Variants in PFN2 observed in about 807,000 individuals in gnomAD.
The protein encoded by PFN2 is profilin-2.
A neutral mutation model predicts 15.3 loss-of-function variants in PFN2; 8 were observed. The ratio of observed to expected loss-of-function variants is 0.52; its 90% CI spans 0.31 to 0.95. PFN2 has a LOEUF of 0.95. PFN2 is among the 40% of genes least tolerant of loss of function. PFN2 has a pLI of 0.05. For synonymous variants in PFN2, 79 were observed against 67.9 expected (o/e 1.16, Z -0.81); for missense variants, 111 against 182.3 (o/e 0.61, Z 2.25).
At chr3:149,968,284 C>A in intron 2 of PFN2, 74 bp downstream of exon 2, 3 of 1,387,544 alleles carry the variant, frequency 2.2e-6, no homozygotes, top group Admixed American at 1.8e-5. Flanking sequence ...AACTTTTATT[C>A]AAAATGTTAA....
rs1722692355 is a variant in PFN2 at position 149,966,350 on chromosome 3, C to T, written c.*139G>A. The T allele has an allele frequency of 1.9e-6, 3 of 1,592,542 alleles. No homozygotes were observed. Among genetic ancestry groups the T allele is most frequent in the South Asian group, 1.2e-5 (1 of 86,608 alleles). On this transcript the variant is annotated 3_prime_UTR_variant, in exon 3 of 3. Coordinates refer to ENST00000239940, the MANE Select transcript of PFN2 (RefSeq NM_053024.4). ...AAAGAAAGACACCTTTCCCCACCAA[C>T]AGAGGGATACAAAGGAGACACAGGT... is the stretch of plus-strand genomic sequence containing the variant.
chr3:149,970,565 C>T (rs1184006243), intron 1 of PFN2, 160 bp downstream of exon 1: 7 of 638,060 alleles, frequency 1.1e-5, no homozygotes, highest in Non-Finnish European at 1.5e-5. Flanking sequence ...CCCCGGGCCT[C>T]GGCCTCCCCG....
Position 149,968,440 on chromosome 3 carries a change from A to G in PFN2, c.243T>C (p.Asp81=). 1 of 1,614,116 alleles carries G rather than the reference A, an allele frequency of 6.2e-7. No homozygotes were observed. The highest frequency in any genetic ancestry group is 1.1e-5 in the South Asian group (1 of 91,072). ...CSVIRDSLYV[D]GDCTMDIRTK... is the part of the protein sequence containing the mutation. ...TCCGGATGTCCATTGTGCAGTCACCATCGACGTATAGACTATCTCTGATCA... is the reference window on the plus strand; with the variant it reads ...TCCGGATGTCCATTGTGCAGTCACCGTCGACGTATAGACTATCTCTGATCA... The change falls in exon 2 of 3, where the codon GAT becomes GAC. Residue 81 remains aspartate (D), a synonymous_variant. Transcript: ENST00000239940.
At position 149,965,480 on chromosome 3, in the gene PFN2, A is replaced by C; in HGVS notation, c.*1009T>G. ...GGATTCAATCAGTATGGTTACTGTAAGGTCATGGGAGGAAGTGCTTTTTGC... is the reference window on the plus strand; with the variant it reads ...GGATTCAATCAGTATGGTTACTGTACGGTCATGGGAGGAAGTGCTTTTTGC... On this transcript the variant is annotated 3_prime_UTR_variant, in exon 3 of 3. Coordinates refer to ENST00000239940, the MANE Select transcript of PFN2 (RefSeq NM_053024.4). The C allele has an allele frequency of 4.2e-6, 6 of 1,418,128 alleles. No homozygotes were observed. The highest frequency in any genetic ancestry group is 5.5e-6 in the Non-Finnish European group (6 of 1,093,304). 87.8% of individuals were successfully genotyped at this position (1,418,128 alleles called of 1,614,324 possible). A position where few individuals can be genotyped will look rare whatever the true frequency, so the allele number is the denominator to read the frequency against.
Position 149,968,696 on chromosome 3 carries a change from G to T in PFN2, c.133-146C>A, listed in dbSNP as rs562271204. ...CCACATTTCACTAATGTAAAACCAA[G>T]ATTCAGTCTTTTCTAAATAATTATT... On this transcript the variant is annotated intron_variant, in intron 1 of 2. Coordinates refer to ENST00000239940, the MANE Select transcript of PFN2 (RefSeq NM_053024.4). 5.3e-5 allele frequency: 33 copies of T among 626,832 alleles called. No individual in the cohort carries two copies. In the African/African-American group the frequency reaches 5.5e-4, roughly 10 times the overall value. 38.8% of individuals were successfully genotyped at this position (626,832 alleles called of 1,614,324 possible).
rs1722641623 is a variant in PFN2, at chr3:149,964,904, T to C, written c.*1585A>G. 1.1e-5 allele frequency: 3 copies of C among 267,310 alleles called. No homozygotes were observed. The highest frequency in any genetic ancestry group is 6.6e-5 in the African/African-American group (3 of 45,508). 16.6% of individuals were successfully genotyped at this position (267,310 alleles called of 1,614,324 possible). ...ATATAAACAACAGGAGCCTAGAGTA[T>C]TTGGTTGGAATAAATTTATTTCATC... On this transcript the variant is annotated 3_prime_UTR_variant, in exon 3 of 3. Transcript: ENST00000239940.
intron 2 of PFN2, 47 bp from the exon 3 acceptor site, chr3:149,966,633 A>G (rs754420958): frequency 3.6e-6 from 5 of 1,394,644 alleles, no homozygotes; most frequent in South Asian, 3.5e-5. Flanking sequence ...GTTAATCAAG[A>G]AAGTCACATA....
chr3:149,970,347 A>G (rs1297238616), intron 1 of PFN2: 1 of 156,032 alleles, frequency 6.4e-6, no homozygotes, highest in Admixed American at 6.5e-5. Flanking sequence ...GAACGTGCAT[A>G]GCAAACCTCA....
Position 149,965,390 on chromosome 3 carries a change from T to C in PFN2, c.*1099A>G. ...AGCCTTTTACAATTTTACTAAAGAG[T>C]AGAGCTGGTGTGCAAAGAAAAAGGA... On this transcript the variant is annotated 3_prime_UTR_variant, in exon 3 of 3. Transcript: ENST00000239940. 6.8e-7 allele frequency: 1 copy of C among 1,470,458 alleles called. No homozygotes were observed. Among genetic ancestry groups the C allele is most frequent in the Non-Finnish European group, 8.9e-7 (1 of 1,121,562 alleles). The allele number at this position is 1,470,458 out of a possible 1,614,324, so 91.1% of individuals were successfully genotyped here.
rs899944102 is a variant in PFN2, at chr3:149,970,782, G to A, written c.75C>T (p.Tyr25=). The A allele has an allele frequency of 1.3e-6, 2 of 1,515,236 alleles. No individual in the cohort carries two copies. Among genetic ancestry groups the A allele is most frequent in the African/African-American group, 1.4e-5 (1 of 70,022 alleles). 93.9% of individuals were successfully genotyped at this position (1,515,236 alleles called of 1,614,324 possible). ...CTGCCCAGACGTATTTGGCGTCGCAGTAGCCGACAATGGCGGCCTCCTGGC... is the reference window on the plus strand; with the variant it reads ...CTGCCCAGACGTATTTGGCGTCGCAATAGCCGACAATGGCGGCCTCCTGGC... ...GCCQEAAIVG[Y]CDAKYVWAAT... is the part of the protein sequence containing the mutation. Residue 25 remains tyrosine, a synonymous_variant, in exon 1 of 3, where the codon TAC becomes TAT. Coordinates refer to ENST00000239940, the MANE Select transcript of PFN2 (RefSeq NM_053024.4).
In PFN2 at chr3:149,966,320, G is replaced by T; in HGVS notation, c.*169C>A. The stretch of plus-strand genomic sequence containing the variant: ...GAACAGAATTATTTTGGGGGGGGAG[G>T]GCAGAAAGAAAGACACCTTTCCCCA... On this transcript the variant is annotated 3_prime_UTR_variant, in exon 3 of 3. Transcript: ENST00000239940. 1 of 1,602,958 alleles carries T rather than the reference G, an allele frequency of 6.2e-7. No homozygotes were observed. Among genetic ancestry groups the T allele is most frequent in the South Asian group, 1.1e-5 (1 of 88,930 alleles).
Position 149,966,046 on chromosome 3 carries a change from G to T in PFN2, c.*443C>A. On this transcript the variant is annotated 3_prime_UTR_variant, in exon 3 of 3. Transcript: ENST00000239940. ...ATACAAATGATCCATTGGGCAAACA[G>T]GAATCATGACATTAGAAAATAGGTA... is the stretch of plus-strand genomic sequence containing the variant. The T allele has an allele frequency of 6.6e-7, 1 of 1,508,938 alleles. No homozygotes were observed. The highest frequency in any genetic ancestry group is 1.4e-5 in the South Asian group (1 of 73,984). The allele number at this position is 1,508,938 out of a possible 1,614,324, so 93.5% of individuals were successfully genotyped here. A position where few individuals can be genotyped will look rare whatever the true frequency, so the allele number is the denominator to read the frequency against.
Position 149,965,230 on chromosome 3 carries a change from C to A in PFN2, c.*1259G>T, listed in dbSNP as rs1186840128. On this transcript the variant is annotated 3_prime_UTR_variant, in exon 3 of 3. Transcript: ENST00000239940. ...GCACAGAATACATATGAAAAAAATT[C>A]ATCACAAGACAGCCAAGTCCACAAT... The A allele has an allele frequency of 6.5e-7, 1 of 1,530,596 alleles. No homozygotes were observed. Among genetic ancestry groups the A allele is most frequent in the South Asian group, 1.2e-5 (1 of 83,016 alleles). 94.8% of individuals were successfully genotyped at this position (1,530,596 alleles called of 1,614,324 possible).
In PFN2 at chr3:149,966,191, T is replaced by TA. The variant is rs747125459; in HGVS notation, c.*297dup. ...CTTACACATCAGACCTCCTCAGGTATAAAGCGAGTTCATATGCTTTCTTGT... is the reference window on the plus strand; with the variant it reads ...CTTACACATCAGACCTCCTCAGGTATAAAAGCGAGTTCATATGCTTTCTTGT... On this transcript the variant is annotated 3_prime_UTR_variant, in exon 3 of 3. Coordinates refer to ENST00000239940, the MANE Select transcript of PFN2 (RefSeq NM_053024.4). 24 of 1,613,756 alleles carry TA rather than the reference T, an allele frequency of 1.5e-5. No homozygotes were observed. Among genetic ancestry groups the TA allele is most frequent in the Admixed American group, 3.3e-5 (2 of 60,012 alleles).
In PFN2 at chr3:149,965,317, G is replaced by A; in HGVS notation, c.*1172C>T. 6.5e-7 allele frequency: 1 copy of A among 1,533,334 alleles called. No individual in the cohort carries two copies. Among genetic ancestry groups the A allele is most frequent in the South Asian group, 1.2e-5 (1 of 83,534 alleles). 95.0% of individuals were successfully genotyped at this position (1,533,334 alleles called of 1,614,324 possible). On this transcript the variant is annotated 3_prime_UTR_variant, in exon 3 of 3. Transcript: ENST00000239940. ...AAATTGGTCCTATGAAGAACAAACT[G>A]GACACACTCCAGATGGTTATGTTGG...
chr3:149,968,479 C>A lies in PFN2; in HGVS notation c.204G>T (p.Ala68=), dbSNP rs749049947. The A allele has an allele frequency of 6.2e-7, 1 of 1,613,892 alleles. No individual in the cohort carries two copies. Among genetic ancestry groups the A allele is most frequent in the Non-Finnish European group, 8.5e-7 (1 of 1,179,956 alleles). The stretch of plus-strand genomic sequence containing the variant: ...TATCTCTGATCACTGAGCATTTCTT[C>A]GCGCCAAGAGTCAAACCGTTGGTAA... ...GFFTNGLTLG[A]KKCSVIRDSL... The change falls in exon 2 of 3, where the codon GCG becomes GCT. Residue 68 remains alanine, a synonymous_variant. Transcript: ENST00000239940.
At position 149,966,274 on chromosome 3, in the gene PFN2, A is replaced by G; in HGVS notation, c.*215T>C. The G allele has an allele frequency of 1.9e-6, 3 of 1,611,024 alleles. No homozygotes were observed. Among genetic ancestry groups the G allele is most frequent in the Non-Finnish European group, 2.5e-6 (3 of 1,178,972 alleles). ...ATGACTATAACCAATGCTGGAGTAC[A>G]CAAGGAAACAAAACAAAAGTGAACA... On this transcript the variant is annotated 3_prime_UTR_variant, in exon 3 of 3. Transcript: ENST00000239940.
intron 1 of PFN2, chr3:149,970,320 C>T (rs556143408): frequency 6.5e-6 from 1 of 153,462 alleles, no homozygotes; most frequent in Non-Finnish European, 1.4e-5. Context: ...GGATCCCCGA[C>T]CCCCGCTTCC....
chr3:149,965,273 A>G lies in PFN2; in HGVS notation c.*1216T>C. The G allele has an allele frequency of 6.5e-7, 1 of 1,535,456 alleles. No individual in the cohort carries two copies. The highest frequency in any genetic ancestry group is 8.7e-7 in the Non-Finnish European group (1 of 1,146,506). ...TCCACAATAATGCAACTTCATATAA[A>G]AACTCAAGCTGCAAATAAAAATTGG... On this transcript the variant is annotated 3_prime_UTR_variant, in exon 3 of 3. Transcript: ENST00000239940.
Sources: allele counts gnomAD v4.1 joint callset, GRCh38; gene constraint gnomAD v4.1.1; transcripts MANE v1.5; gene names NCBI Gene and HGNC (gene_info 2026-07-23, HGNC 2026-07-21).